The following AKAP14 variants were observed in gnomAD, a reference collection of about 807,000 sequenced individuals.
AKAP14 encodes the protein A-kinase anchor protein 14.
AKAP14 carries 4 observed loss-of-function variants against 17.0 expected under a neutral mutation model. That is an observed-to-expected ratio of 0.23 (90% CI 0.12 to 0.54). The LOEUF is 0.54. Among genes scored for constraint, AKAP14 ranks in the 20% least tolerant of loss-of-function variants. AKAP14 has a pLI of 0.95. For missense variants in AKAP14, 129 were observed against 150.9 expected (o/e 0.85, Z 0.76); for synonymous variants, 42 against 51.3 (o/e 0.82, Z 0.77).
chrX:119,904,393 C>T (rs891982879), intron 4 of AKAP14, among the ~76,000 whole-genome samples: 1 of 112,666 alleles, frequency 8.9e-6, no homozygotes, highest in Non-Finnish European at 1.9e-5. Flanking sequence ...CTGACTTCTT[C>T]GTGTGGCAGC....
At chrX:119,920,482 A>T in intron 6 of AKAP14, 26 bp from the exon 7 acceptor site, 3 of 1,128,310 alleles carry the variant, frequency 2.7e-6, no homozygotes, top group Non-Finnish European at 3.6e-6. Flanking sequence ...AATACTTTAA[A>T]AGTGTTTGTT....
rs779730234 is a variant in AKAP14 at position 119,920,494 on chromosome X, T to C, written c.495-14T>C. ...AAAAATACTTTAAAAGTGTTTGTTT[T>C]TCTTCCTTTGTAGACCAGGAATGGT... On this transcript the variant is annotated splice_polypyrimidine_tract_variant and intron_variant, in intron 6 of 6. Coordinates refer to ENST00000371431, the MANE Select transcript of AKAP14 (RefSeq NM_178813.6). The C allele has an allele frequency of 1.7e-6, 2 of 1,175,427 alleles. No individual in the cohort carries two copies. Among genetic ancestry groups the C allele is most frequent in the East Asian group, 6.0e-5 (2 of 33,493 alleles).
At chrX:119,907,548 C>T (rs2147832488) in intron 4 of AKAP14, among the ~76,000 whole-genome samples, 1 of 111,279 alleles carries the variant, frequency 9.0e-6, no homozygotes, top group African/African-American at 3.3e-5. Context: ...GCCTCAAACT[C>T]CTGGGCTCAA....
At chrX:119,911,945 T>C (rs1238930763) in intron 4 of AKAP14, among the ~76,000 whole-genome samples, 2 of 107,543 alleles carry the variant, frequency 1.9e-5, no homozygotes, top group Non-Finnish European at 1.9e-5. Context: ...TTTTTTTTTT[T>C]CTGAGATGGA....
chrX:119,907,390 C>A (rs1418300805), intron 4 of AKAP14, among the ~76,000 whole-genome samples: 4 of 110,789 alleles, frequency 3.6e-5, no homozygotes, highest in African/African-American at 1.3e-4. Flanking sequence ...CTCAGCCTCC[C>A]AAAGTGCTGG....
chrX:119,897,214 A>C (rs1365769654), intron 2 of AKAP14, among the ~76,000 whole-genome samples: 1 of 106,669 alleles, frequency 9.4e-6, no homozygotes, highest in African/African-American at 3.4e-5. Context: ...GGCTGGAGTG[A>C]AGTGGTGAGA....
At position 119,903,746 on chromosome X, in the gene AKAP14, A is replaced by G. The variant is rs369062998; in HGVS notation, c.261+160A>G. ...TCATCTCCATCTCAGTTCCAAAATC[A>G]AGGTGGGATAGTCTTTGAAGGTGAA... On this transcript the variant is annotated intron_variant, in intron 4 of 6. Coordinates refer to ENST00000371431, the MANE Select transcript of AKAP14 (RefSeq NM_178813.6). 20 of 959,728 alleles carry G rather than the reference A, an allele frequency of 2.1e-5. No individual in the cohort carries two copies. The African/African-American group carries it at 3.7e-4, about 18-fold the overall frequency. 79.1% of individuals were successfully genotyped at this position (959,728 alleles called of 1,213,427 possible). A position where few individuals can be genotyped will look rare whatever the true frequency, so the allele number is the denominator to read the frequency against.
chrX:119,910,193 A>G (rs1245887385), intron 4 of AKAP14, among the ~76,000 whole-genome samples: 2 of 111,683 alleles, frequency 1.8e-5, no homozygotes, highest in Admixed American at 9.6e-5. Context: ...ACATGAAAGA[A>G]TACACAGCTC....
At chrX:119,897,636 A>G (rs2056538825) in intron 2 of AKAP14, among the ~76,000 whole-genome samples, 1 of 112,161 alleles carries the variant, frequency 8.9e-6, no homozygotes, top group South Asian at 3.7e-4. Context: ...CCAGTTCTCT[A>G]GTGTTAAGGA....
At chrX:119,918,379 A>G (rs2147839588) in intron 5 of AKAP14, among the ~76,000 whole-genome samples, 1 of 111,261 alleles carries the variant, frequency 9.0e-6, no homozygotes, top group Admixed American at 9.6e-5. Flanking sequence ...TTACAGGCAC[A>G]TGCCACCACA....
intron 5 of AKAP14, 107 bp from the exon 6 acceptor site, chrX:119,919,804 C>G: frequency 1.2e-6 from 1 of 859,232 alleles, no homozygotes; most frequent in Non-Finnish European, 1.7e-6. Context: ...TGAGATTGCA[C>G]CACTGCACTT....
chrX:119,916,710 A>G (rs2056660950), intron 5 of AKAP14, among the ~76,000 whole-genome samples: 1 of 94,507 alleles, frequency 1.1e-5, no homozygotes. Context: ...TATGTTGCAC[A>G]GGCTGGTCTT....
At chrX:119,915,512 T>A (rs992036620) in intron 5 of AKAP14, among the ~76,000 whole-genome samples, 13 of 36,354 alleles carry the variant, frequency 3.6e-4, no homozygotes, top group African/African-American at 1.2e-3. Flanking sequence ...ATCCAACAAA[T>A]TTTTTTTTTT....
intron 3 of AKAP14, 49 bp from the exon 4 acceptor site, chrX:119,903,446 T>C: frequency 1.7e-6 from 2 of 1,211,492 alleles, no homozygotes; most frequent in Non-Finnish European, 1.1e-6. Flanking sequence ...AGTCTAAATA[T>C]AGCACCACAC....
At chrX:119,898,512 C>A (rs990942404) in intron 2 of AKAP14, among the ~76,000 whole-genome samples, 2 of 111,165 alleles carry the variant, frequency 1.8e-5, no homozygotes, top group African/African-American at 3.3e-5. Flanking sequence ...TGCCCTTTGT[C>A]CGGGCGTGGT....
intron 6 of AKAP14, 82 bp from the exon 7 acceptor site, chrX:119,920,426 A>G (rs913337692): frequency 1.1e-5 from 9 of 798,866 alleles, no homozygotes; most frequent in African/African-American, 1.0e-4. Flanking sequence ...ATAAAAGAGT[A>G]AATAGGGAAT....
At chrX:119,918,875 ATGT>A (rs891799296) in intron 5 of AKAP14, among the ~76,000 whole-genome samples, 4 of 112,055 alleles carry the variant, frequency 3.6e-5, no homozygotes, top group African/African-American at 6.5e-5. Flanking sequence ...CCTTGGCCTG[ATGT>A]TAAGATTTTG....
chrX:119,919,920 A>G lies in AKAP14; in HGVS notation c.451A>G (p.Ile151Val). 1 of 1,210,311 alleles carries G rather than the reference A, an allele frequency of 8.3e-7. No homozygotes were observed. The highest frequency in any genetic ancestry group is 1.8e-5 in the South Asian group (1 of 56,894). Residue 151 changes from isoleucine to valine, a missense_variant, in exon 6 of 7, where the codon ATT (isoleucine) becomes GTT (valine). Transcript: ENST00000371431. ...VSKTKPPDAP[I>V]VVSYVGDHQA... ...TCCTTCTCTTTTTTAGGATGCACCC[A>G]TTGTTGTTTCTTATGTAGGTGACCA...
At chrX:119,914,935 T>G in intron 5 of AKAP14, 57 bp downstream of exon 5, 1 of 1,089,549 alleles carries the variant, frequency 9.2e-7, no homozygotes, top group Non-Finnish European at 1.3e-6. Flanking sequence ...AGACTTCTCT[T>G]GTCAAGGTCA....
Sources: allele counts gnomAD v4.1 joint callset (sites outside exome capture counted in the v4.1 genomes callset), GRCh38; gene constraint gnomAD v4.1.1; transcripts MANE v1.5; gene names NCBI Gene and HGNC (gene_info 2026-07-23, HGNC 2026-07-21).